The following COL21A1 variants were observed in gnomAD, a reference collection of about 807,000 sequenced individuals.
COL21A1 encodes collagen type XXI alpha 1 chain.
COL21A1 carries 149 observed loss-of-function variants against 137.9 expected under a neutral mutation model. That is an observed-to-expected ratio of 1.08 (90% CI 0.95 to 1.24). The LOEUF (loss-of-function observed/expected upper bound fraction) is 1.24. COL21A1 is among the 50% of genes most tolerant of loss of function. The probability of loss-of-function intolerance (pLI) is 0.00; values close to 1 mark genes in which losing one functional copy is unlikely to be tolerated. For missense variants in COL21A1, 1,167 were observed against 1,158.4 expected (o/e 1.01, Z -0.11); for synonymous variants, 456 against 391.5 (o/e 1.16, Z -1.95).
At chr6:56,246,502 T>A (rs1397175511) in intron 1 of COL21A1, among the ~76,000 whole-genome samples, 3 of 151,902 alleles carry the variant, frequency 2.0e-5, no homozygotes, top group Non-Finnish European at 2.9e-5. Flanking sequence ...AAAACTCTAC[T>A]AATAAATAAC....
At position 56,070,858 on chromosome 6, in the gene COL21A1, A is replaced by T. The variant is rs1192704349; in HGVS notation, c.1966-60T>A. The T allele has an allele frequency of 3.2e-6, 4 of 1,230,876 alleles. No homozygotes were observed. In the Admixed American group the frequency reaches 7.2e-5, roughly 22 times the overall value. The allele number at this position is 1,230,876 out of a possible 1,614,324, so 76.2% of individuals were successfully genotyped here. A position where few individuals can be genotyped will look rare whatever the true frequency, so the allele number is the denominator to read the frequency against. On this transcript the variant is annotated intron_variant, in intron 20 of 29. Coordinates refer to ENST00000244728, the MANE Select transcript of COL21A1 (RefSeq NM_030820.4). ...AAACAATTCTGTCATAATATATCTGATATAGACACTTAAGGGAATATATGT... is the reference window on the plus strand; with the variant it reads ...AAACAATTCTGTCATAATATATCTGTTATAGACACTTAAGGGAATATATGT...
intron 1 of COL21A1, among the ~76,000 whole-genome samples, chr6:56,315,703 C>A (rs912718150): frequency 7.6e-6 from 1 of 131,390 alleles, no homozygotes; most frequent in South Asian, 2.3e-4. Context: ...CCTCCCTCTA[C>A]CCCTCCTCTA....
chr6:56,144,342 G>T (rs1208284529), intron 10 of COL21A1, among the ~76,000 whole-genome samples: 2 of 151,994 alleles, frequency 1.3e-5, no homozygotes, highest in African/African-American at 4.8e-5. Context: ...GATCATTGTA[G>T]ATTGACTCAA....
At chr6:56,112,272 A>G (rs1003418035) in intron 16 of COL21A1, among the ~76,000 whole-genome samples, 2 of 152,220 alleles carry the variant, frequency 1.3e-5, no homozygotes, top group Non-Finnish European at 2.9e-5. Flanking sequence ...CATACCATAC[A>G]TATAAATTAA....
At chr6:56,290,506 T>TTTTGTTTG (rs1476535284) in intron 1 of COL21A1, among the ~76,000 whole-genome samples, 3 of 148,088 alleles carry the variant, frequency 2.0e-5, no homozygotes, top group Non-Finnish European at 4.5e-5. Flanking sequence ...GAGATTTTTT[T>TTTTGTTTG]TTTTTTTTTT....
intron 1 of COL21A1, among the ~76,000 whole-genome samples, chr6:56,334,512 TC>T (rs1765296936): frequency 6.6e-6 from 1 of 152,140 alleles, no homozygotes; most frequent in Non-Finnish European, 1.5e-5. Context: ...ATAAATATAA[TC>T]ATAAGTTAAT....
chr6:56,363,108 T>C (rs557799642), intron 1 of COL21A1, among the ~76,000 whole-genome samples: 30 of 152,290 alleles, frequency 2.0e-4, no homozygotes, highest in Non-Finnish European at 4.0e-4. Flanking sequence ...AAAATGAGTG[T>C]CCTACATATG....
At chr6:56,194,245 T>G (rs1334686133) in intron 1 of COL21A1, among the ~76,000 whole-genome samples, 1 of 152,198 alleles carries the variant, frequency 6.6e-6, no homozygotes, top group African/African-American at 2.4e-5. Flanking sequence ...TAATTTAAAT[T>G]GACAATCATT....
At chr6:56,392,560 A>C (rs145918297) in intron 1 of COL21A1, among the ~76,000 whole-genome samples, 28 of 152,236 alleles carry the variant, frequency 1.8e-4, no homozygotes, top group African/African-American at 6.3e-4. Flanking sequence ...ACCTATCCGT[A>C]TTTGCAGATA....
At chr6:56,292,268 A>C (rs933977758) in intron 1 of COL21A1, among the ~76,000 whole-genome samples, 11 of 151,964 alleles carry the variant, frequency 7.2e-5, no homozygotes, top group Non-Finnish European at 1.3e-4. Context: ...CTTGCCTGTT[A>C]CTCTGCTTTT....
chr6:56,258,492 A>G (rs946246796), intron 1 of COL21A1, among the ~76,000 whole-genome samples: 2 of 152,118 alleles, frequency 1.3e-5, no homozygotes, highest in African/African-American at 4.8e-5. Context: ...ACCCACACAC[A>G]TGCACTCTAT....
intron 1 of COL21A1, among the ~76,000 whole-genome samples, chr6:56,317,165 C>G (rs562262804): frequency 6.6e-6 from 1 of 152,094 alleles, no homozygotes; most frequent in Admixed American, 6.5e-5. Context: ...AACCTTGGTT[C>G]GCTTATAGAC....
chr6:56,146,010 C>A (rs916630672), intron 10 of COL21A1, among the ~76,000 whole-genome samples: 1 of 152,062 alleles, frequency 6.6e-6, no homozygotes, highest in Non-Finnish European at 1.5e-5. Context: ...GAAATAAAAT[C>A]CCCAAATGTG....
At chr6:56,124,754 G>A (rs1658963605) in intron 14 of COL21A1, among the ~76,000 whole-genome samples, 1 of 151,990 alleles carries the variant, frequency 6.6e-6, no homozygotes, top group African/African-American at 2.4e-5. Context: ...CCATTCTCCT[G>A]CCTCAGGCTC....
rs1378461099 is a variant in COL21A1 at position 56,164,425 on chromosome 6, T to G, written c.1369A>C (p.Lys457Gln). 6.3e-7 allele frequency: 1 copy of G among 1,576,678 alleles called. No individual in the cohort carries two copies. Among genetic ancestry groups the G allele is most frequent in the African/African-American group, 1.3e-5 (1 of 74,310 alleles). ...ACAGCAAGTTAGGTGTTACCCACTT[T>G]GGGGCCTTGAAGTCCTGGTTTTCCC... ...PPGKPGLQGP[K>Q]GDPGLPGNPG... The change falls in exon 9 of 30, where the codon AAA becomes CAA. Residue 457 changes from lysine to glutamine, a missense_variant and splice_region_variant. Lys to Gln is a moderately conservative substitution (Grantham distance 53). Transcript: ENST00000244728.
intron 10 of COL21A1, among the ~76,000 whole-genome samples, chr6:56,150,629 G>A (rs1415057425): frequency 1.3e-5 from 2 of 151,758 alleles, no homozygotes; most frequent in African/African-American, 4.8e-5. Flanking sequence ...TTGTCTATTG[G>A]TAGCAGTGAG....
chr6:56,352,409 T>C (rs2397220), intron 1 of COL21A1, among the ~76,000 whole-genome samples: 79,249 of 151,700 alleles, frequency 0.52, 21,008 homozygotes, highest in East Asian at 0.78. Context: ...GGTTCCCAGG[T>C]ACCAAGTATC....
chr6:56,191,633 A>G (rs1436452172), intron 1 of COL21A1, among the ~76,000 whole-genome samples: 1 of 150,966 alleles, frequency 6.6e-6, no homozygotes, highest in Admixed American at 6.6e-5. Context: ...TCATGAGTGA[A>G]CTCCCATTCA....
At chr6:56,116,325 G>C (rs1771913814) in intron 16 of COL21A1, among the ~76,000 whole-genome samples, 1 of 142,674 alleles carries the variant, frequency 7.0e-6, no homozygotes, top group Non-Finnish European at 1.5e-5. Flanking sequence ...TCTGGTAGCA[G>C]ACTTTTCAGT....
Sources: gnomAD v4.1 joint callset for allele counts (sites outside exome capture counted in the v4.1 genomes callset) on GRCh38, gnomAD v4.1.1 for gene constraint, MANE v1.5 for transcripts, NCBI Gene and HGNC (gene_info 2026-07-23, HGNC 2026-07-21) for gene names.